NPHS2: variants seen among roughly 807,000 people sequenced by gnomAD.
NPHS2 encodes podocin.
NPHS2 carries 36 observed loss-of-function variants against 37.1 expected under a neutral mutation model. The observed-to-expected ratio is 0.97, with a 90% CI of 0.74 to 1.28. The LOEUF (loss-of-function observed/expected upper bound fraction) is 1.28. NPHS2 is among the 50% of genes most tolerant of loss of function. NPHS2 has a pLI of 0.00. For missense variants in NPHS2, 447 were observed against 488.1 expected, an observed-to-expected ratio of 0.92 and a Z score of 0.79; for synonymous variants, 196 against 189.3, an observed-to-expected ratio of 1.04 and a Z score of -0.29.
chr1:179,575,676 C>T lies in NPHS2; in HGVS notation c.189G>A (p.Thr63=), dbSNP rs764283921. 3.1e-6 allele frequency: 5 copies of T among 1,600,796 alleles called. No individual in the cohort carries two copies. Among genetic ancestry groups the T allele is most frequent in the Non-Finnish European group, 4.2e-6 (5 of 1,178,588 alleles). Residue 63 remains threonine, a synonymous_variant, in exon 1 of 8, where the codon ACG becomes ACA. Coordinates refer to ENST00000367615, the MANE Select transcript of NPHS2 (RefSeq NM_014625.4). ...TPGEPRAPAA[T]VVDVDEVRGS... ...CTCGGACCTCATCCACGTCCACCAC[C>T]GTGGCGGCGGGCGCTCGGGGCTCCC...
chr1:179,557,566 A>G (rs558438209), intron 4 of NPHS2, among the ~76,000 whole-genome samples: 24 of 152,318 alleles, frequency 1.6e-4, no homozygotes, highest in African/African-American at 5.5e-4. Context: ...CTGGGAAACA[A>G]GCACTCTAAT....
rs779080603 is a variant in NPHS2, at chr1:179,575,904, C to T, written c.-40G>A. 2 of 1,372,098 alleles carry T rather than the reference C, an allele frequency of 1.5e-6. No individual in the cohort carries two copies. Among genetic ancestry groups the T allele is most frequent in the Non-Finnish European group, 1.9e-6 (2 of 1,071,360 alleles). The allele number at this position is 1,372,098 out of a possible 1,614,324, so 85.0% of individuals were successfully genotyped here. A position where few individuals can be genotyped will look rare whatever the true frequency, so the allele number is the denominator to read the frequency against. On this transcript the variant is annotated 5_prime_UTR_variant, in exon 1 of 8. Coordinates refer to ENST00000367615, the MANE Select transcript of NPHS2 (RefSeq NM_014625.4). ...GGCGGCTGGAGCAGCAGCGCGGGAG[C>T]GCTAGGGGCACGGGAGCGCAGTCCC... is the stretch of plus-strand genomic sequence containing the variant.
At chr1:179,557,470 C>T (rs765386640) in intron 4 of NPHS2, among the ~76,000 whole-genome samples, 17 of 152,146 alleles carry the variant, frequency 1.1e-4, no homozygotes, top group Non-Finnish European at 2.4e-4. Flanking sequence ...AAATAATTTT[C>T]TCATAAGAAG....
chr1:179,567,827 G>T (rs1252102950), intron 1 of NPHS2, among the ~76,000 whole-genome samples: 1 of 152,184 alleles, frequency 6.6e-6, no homozygotes, highest in East Asian at 1.9e-4. Context: ...AGATAATCAT[G>T]TGGTTTTTGT....
At chr1:179,564,332 C>T (rs1674255240) in intron 2 of NPHS2, among the ~76,000 whole-genome samples, 2 of 152,190 alleles carry the variant, frequency 1.3e-5, no homozygotes, top group African/African-American at 4.8e-5. Context: ...TCTATAGAAG[C>T]TGCCTGAGAA....
intron 1 of NPHS2, among the ~76,000 whole-genome samples, chr1:179,570,278 A>G (rs1195837446): frequency 3.9e-5 from 6 of 152,204 alleles, no homozygotes; most frequent in African/African-American, 1.4e-4. Flanking sequence ...GAAGTGGGAA[A>G]TCAGGGGTCT....
At chr1:179,566,038 G>A (rs1386025305) in intron 1 of NPHS2, among the ~76,000 whole-genome samples, 1 of 152,182 alleles carries the variant, frequency 6.6e-6, no homozygotes, top group African/African-American at 2.4e-5. Flanking sequence ...ACGTGTGCAT[G>A]TGTCTTTATA....
intron 6 of NPHS2, among the ~76,000 whole-genome samples, chr1:179,554,264 T>C (rs1673744198): frequency 6.6e-6 from 1 of 152,164 alleles, no homozygotes; most frequent in African/African-American, 2.4e-5. Flanking sequence ...TTTAGATTCA[T>C]AGAGAAAAAA....
chr1:179,568,910 G>T (rs1260525009), intron 1 of NPHS2, among the ~76,000 whole-genome samples: 1 of 152,204 alleles, frequency 6.6e-6, no homozygotes, highest in Non-Finnish European at 1.5e-5. Flanking sequence ...ACTGTGGTCT[G>T]AGAGACAGTT....
chr1:179,551,101 CAG>C lies in NPHS2; in HGVS notation c.*70_*71del, dbSNP rs1673183157. The stretch of plus-strand genomic sequence containing the variant: ...CCAAAGGAAGGGCAGGGAATGAGGA[CAG>C]AGTGTCTCCCTCAGGCATGTGACTT... On this transcript the variant is annotated 3_prime_UTR_variant, in exon 8 of 8. Transcript: ENST00000367615. The C allele has an allele frequency of 1.3e-6, 2 of 1,591,858 alleles. No homozygotes were observed. The highest frequency in any genetic ancestry group is 8.6e-7 in the Non-Finnish European group (1 of 1,162,088).
At chr1:179,562,680 A>C (rs1178100966) in intron 2 of NPHS2, among the ~76,000 whole-genome samples, 1 of 152,204 alleles carries the variant, frequency 6.6e-6, no homozygotes. Flanking sequence ...GTTTGTCTTC[A>C]TGAGGTTTAC....
intron 1 of NPHS2, among the ~76,000 whole-genome samples, chr1:179,572,279 C>T (rs1036205854): frequency 4.6e-5 from 7 of 152,194 alleles, no homozygotes; most frequent in Non-Finnish European, 1.0e-4. Flanking sequence ...TCATTACAAG[C>T]CTTAATGTCT....
At chr1:179,567,782 T>C (rs532373094) in intron 1 of NPHS2, among the ~76,000 whole-genome samples, 3 of 152,352 alleles carry the variant, frequency 2.0e-5, no homozygotes, top group East Asian at 3.9e-4. Flanking sequence ...TGAAGGGCTG[T>C]TGAATTTTGT....
intron 1 of NPHS2, among the ~76,000 whole-genome samples, chr1:179,570,380 A>G (rs1674506117): frequency 2.0e-5 from 3 of 152,234 alleles, no homozygotes. Flanking sequence ...TATAGATATT[A>G]AATTAACTAA....
Position 179,575,790 on chromosome 1 carries a change from CTTG to C in NPHS2, c.72_74del (p.Asn24del). On this transcript the variant is annotated inframe_deletion, in exon 1 of 8. Transcript: ENST00000367615. ...CGCCGCTCCTCTCGGCCTTTGCCCT[CTTG>C]TTCTCCTTGTGCGGAGTCCTGCCGC... 1 of 1,491,240 alleles carries C rather than the reference CTTG, an allele frequency of 6.7e-7. No homozygotes were observed. The highest frequency in any genetic ancestry group is 8.9e-7 in the Non-Finnish European group (1 of 1,125,798). The allele number at this position is 1,491,240 out of a possible 1,614,324, so 92.4% of individuals were successfully genotyped here.
At chr1:179,566,339 T>A (rs1193718723) in intron 1 of NPHS2, among the ~76,000 whole-genome samples, 1 of 152,270 alleles carries the variant, frequency 6.6e-6, no homozygotes, top group Non-Finnish European at 1.5e-5. Context: ...TATTTTTTCA[T>A]GTGTCTGTTG....
Position 179,556,550 on chromosome 1 carries a change from A to G in NPHS2, c.738+477T>C, listed in dbSNP as rs1673936517. On this transcript the variant is annotated intron_variant, in intron 5 of 7. Coordinates refer to ENST00000367615, the MANE Select transcript of NPHS2 (RefSeq NM_014625.4). This position sits in a 1 kb window ranked among gnomAD's most constrained non-coding sequence, Gnocchi z 4.1. ...ATTAAATCTAGACAATGGATTGGGT[A>G]ATTCATCATGTAAAGGTCTATGACA... Among the ~76,000 whole-genome samples, 1 of 152,174 alleles carries G rather than the reference A, an allele frequency of 6.6e-6. No individual in the cohort carries two copies. Among genetic ancestry groups the G allele is most frequent in the Non-Finnish European group, 1.5e-5 (1 of 68,036 alleles).
rs1488772348 is a variant in NPHS2 at position 179,551,262 on chromosome 1, T to G, written c.1063A>C (p.Asn355His). Reference protein sequence around the residue: ...DLLNCLSSPSNRTQGSLPFPS... With the variant: ...DLLNCLSSPSHRTQGSLPFPS... ...AAGGGGAGGCTTCCCTGAGTTCTGT[T>G]GCTGGGAGAAGACAGGCAATTCAGT... is the stretch of plus-strand genomic sequence containing the variant. The change falls in exon 8 of 8, where the codon AAC becomes CAC. Residue 355 changes from asparagine (N) to histidine (H), a missense_variant. Asn to His is a moderately conservative substitution (Grantham distance 68). Transcript: ENST00000367615. 4.3e-6 allele frequency: 7 copies of G among 1,614,114 alleles called. No individual in the cohort carries two copies. The highest frequency in any genetic ancestry group is 5.9e-6 in the Non-Finnish European group (7 of 1,180,002).
chr1:179,556,284 G>T lies in NPHS2; in HGVS notation c.738+743C>A, dbSNP rs1673924805. 6.6e-6 allele frequency among the ~76,000 whole-genome samples: 1 copy of T among 152,116 alleles called. No individual in the cohort carries two copies. Among genetic ancestry groups the T allele is most frequent in the African/African-American group, 2.4e-5 (1 of 41,430 alleles). On this transcript the variant is annotated intron_variant, in intron 5 of 7. Transcript: ENST00000367615. The surrounding 1 kb of genome is among the most constrained non-coding windows in gnomAD (Gnocchi z 4.1). ...ACCTCCTAACCCAGTTCTGGGCCTG[G>T]GTGTCCCCACTGCTTCAGTGACAGG...
Sources: gnomAD v4.1 joint callset for allele counts (sites outside exome capture counted in the v4.1 genomes callset) on GRCh38, gnomAD v4.1.1 for gene constraint, Gnocchi (gnomAD v3.1) non-coding constraint, MANE v1.5 for transcripts, NCBI Gene and HGNC (gene_info 2026-07-23, HGNC 2026-07-21) for gene names.